The following SLC4A10 variants were observed in gnomAD, a reference collection of about 807,000 sequenced individuals.
SLC4A10 encodes solute carrier family 4 member 10.
SLC4A10 carries 42 observed loss-of-function variants against 137.7 expected under a neutral mutation model. That is an observed-to-expected ratio of 0.30 (90% confidence interval 0.24 to 0.39). The LOEUF is 0.39. Ranked by LOEUF, SLC4A10 falls within the 10% of genes least tolerant of loss-of-function variation. The pLI, the probability that SLC4A10 is intolerant of heterozygous loss-of-function variation, is 1.00. For missense variants in SLC4A10, 925 were observed against 1,355.0 expected (o/e 0.68, Z 4.98); for synonymous variants, 474 against 464.1 (o/e 1.02, Z -0.27).
chr2:161,896,345 T>C (rs1244864048), intron 11 of SLC4A10, among the ~76,000 whole-genome samples: 11 of 151,896 alleles, frequency 7.2e-5, no homozygotes, highest in South Asian at 2.1e-4. Flanking sequence ...AGTCAGGTAG[T>C]GTGATGCCTC....
Position 161,918,182 on chromosome 2 carries a change from GTCTC to G in SLC4A10, c.1997+12301_1997+12304del, listed in dbSNP as rs569273736. Among the ~76,000 whole-genome samples the G allele has an allele frequency of 6.2e-3, 950 of 152,268 alleles. 4 individuals carry two copies. Among genetic ancestry groups the G allele is most frequent in the South Asian group, 0.012 (60 of 4,814 alleles). On this transcript the variant is annotated intron_variant, in intron 15 of 26. Transcript: ENST00000446997. Reference sequence around the variant, plus strand: ...TTTCATTTGTTTTGTTTGAGACAGAGTCTCTCTCTGTCACCCAGGCTGGCGTGCA... The same window carrying G: ...TTTCATTTGTTTTGTTTGAGACAGAGTCTCTGTCACCCAGGCTGGCGTGCA...
intron 3 of SLC4A10, among the ~76,000 whole-genome samples, chr2:161,810,655 C>T (rs529365653): frequency 5.9e-5 from 9 of 151,852 alleles, no homozygotes; most frequent in East Asian, 3.9e-4. Context: ...TCTGTTTATG[C>T]GATGAATCAT....
At chr2:161,807,020 G>A (rs749396926) in intron 3 of SLC4A10, among the ~76,000 whole-genome samples, 14 of 152,142 alleles carry the variant, frequency 9.2e-5, no homozygotes, top group South Asian at 2.1e-4. Flanking sequence ...CAATCATAGC[G>A]GAAAGCAAGG....
intron 3 of SLC4A10, among the ~76,000 whole-genome samples, chr2:161,829,066 G>GGT: frequency 4.0e-5 from 6 of 151,340 alleles, no homozygotes; most frequent in African/African-American, 1.5e-4. Flanking sequence ...AAAATATTAT[G>GGT]TCCTTAATGC....
At chr2:161,820,505 T>C (rs2057522987) in intron 3 of SLC4A10, among the ~76,000 whole-genome samples, 1 of 152,202 alleles carries the variant, frequency 6.6e-6, no homozygotes. Flanking sequence ...TGGCCTTTCT[T>C]TTTACAATGG....
intron 10 of SLC4A10, among the ~76,000 whole-genome samples, chr2:161,889,133 G>A (rs957570702): frequency 1.3e-5 from 2 of 152,038 alleles, no homozygotes; most frequent in African/African-American, 2.4e-5. Flanking sequence ...AGGGATGAAC[G>A]AGACTTGATG....
At chr2:161,945,182 G>GTGTGCA (rs1185711774) in intron 16 of SLC4A10, among the ~76,000 whole-genome samples, 1 of 88,830 alleles carries the variant, frequency 1.1e-5, no homozygotes, top group African/African-American at 4.3e-5. Context: ...AAGTTTGTGT[G>GTGTGCA]TATATATATA....
chr2:161,673,057 C>T (rs890670160), intron 1 of SLC4A10, among the ~76,000 whole-genome samples: 8 of 152,144 alleles, frequency 5.3e-5, no homozygotes, highest in African/African-American at 9.7e-5. Flanking sequence ...TGGGAAACTG[C>T]GCCATGAGCA....
At chr2:161,819,275 T>C (rs1020272820) in intron 3 of SLC4A10, among the ~76,000 whole-genome samples, 1 of 152,094 alleles carries the variant, frequency 6.6e-6, no homozygotes, top group African/African-American at 2.4e-5. Flanking sequence ...GATTCCTAGG[T>C]GAGTCTAAAG....
chr2:161,913,313 G>A (rs1189814729), intron 15 of SLC4A10, among the ~76,000 whole-genome samples: 1 of 152,026 alleles, frequency 6.6e-6, no homozygotes, highest in African/African-American at 2.4e-5. Flanking sequence ...AAAAGCAGTA[G>A]TTTAAAGAGT....
chr2:161,676,226 T>A (rs1253665219), intron 1 of SLC4A10, among the ~76,000 whole-genome samples: 3 of 152,156 alleles, frequency 2.0e-5, no homozygotes, highest in Non-Finnish European at 1.5e-5. Context: ...TGCAAAATAG[T>A]GTTACTTTGA....
chr2:161,625,311 A>G (rs1445766849), intron 1 of SLC4A10, among the ~76,000 whole-genome samples: 4 of 151,950 alleles, frequency 2.6e-5, no homozygotes, highest in African/African-American at 9.7e-5. Flanking sequence ...GGATTTGCCT[A>G]TCCTCTCCAC....
At chr2:161,859,926 A>G (rs1278354020) in intron 5 of SLC4A10, among the ~76,000 whole-genome samples, 6 of 152,174 alleles carry the variant, frequency 3.9e-5, no homozygotes, top group African/African-American at 1.2e-4. Context: ...CTGGGGCAGA[A>G]TAGACTGTAT....
intron 18 of SLC4A10, 93 bp from the exon 19 acceptor site, chr2:161,950,594 A>G: frequency 8.2e-7 from 1 of 1,216,282 alleles, no homozygotes; most frequent in Non-Finnish European, 1.2e-6. Flanking sequence ...TCTGTTTATA[A>G]TTAGGGCTTT....
intron 21 of SLC4A10, 29 bp from the exon 22 acceptor site, chr2:161,964,106 A>G: frequency 6.5e-7 from 1 of 1,549,344 alleles, no homozygotes; most frequent in Non-Finnish European, 8.7e-7. Flanking sequence ...CTTACACCTA[A>G]AAACAATTTA....
intron 3 of SLC4A10, among the ~76,000 whole-genome samples, chr2:161,823,662 C>G (rs2057804268): frequency 6.6e-6 from 1 of 152,208 alleles, no homozygotes; most frequent in Non-Finnish European, 1.5e-5. Flanking sequence ...CCCACCGTTT[C>G]AGGCAGATAA....
chr2:161,644,023 T>G (rs2105509797), intron 1 of SLC4A10, among the ~76,000 whole-genome samples: 1 of 152,204 alleles, frequency 6.6e-6, no homozygotes, highest in African/African-American at 2.4e-5. Context: ...TATGTCTGGG[T>G]TTTGTTTGCT....
chr2:161,980,244 C>T (rs949477150), intron 26 of SLC4A10, among the ~76,000 whole-genome samples: 4 of 152,106 alleles, frequency 2.6e-5, no homozygotes, highest in African/African-American at 9.7e-5. Context: ...GCTCTACCCC[C>T]CAACACCCAC....
chr2:161,966,778 A>G (rs957979019), intron 23 of SLC4A10, among the ~76,000 whole-genome samples: 1 of 151,404 alleles, frequency 6.6e-6, no homozygotes, highest in African/African-American at 2.4e-5. Flanking sequence ...ATATTTTGAT[A>G]GTCTCTATTT....
Sources: allele counts gnomAD v4.1 joint callset (sites outside exome capture counted in the v4.1 genomes callset), GRCh38; gene constraint gnomAD v4.1.1; transcripts MANE v1.5; gene names NCBI Gene and HGNC (gene_info 2026-07-23, HGNC 2026-07-21).